Variants in MAF observed in about 807,000 individuals in gnomAD.
The protein encoded by MAF is MAF bZIP transcription factor.
MAF carries 10 observed loss-of-function variants against 22.0 expected under a neutral mutation model. The ratio of observed to expected loss-of-function variants is 0.45; its 90% CI spans 0.28 to 0.77. MAF has a LOEUF of 0.77. MAF is among the 30% of genes least tolerant of loss of function. The pLI, the probability that MAF is intolerant of heterozygous loss-of-function variation, is 0.12. For missense variants in MAF, 544 were observed against 548.4 expected, an observed-to-expected ratio of 0.99 and a Z score of 0.08; for synonymous variants, 337 against 255.8, an observed-to-expected ratio of 1.32 and a Z score of -3.03.
the MAF span, among the ~76,000 whole-genome samples, chr16:79,213,306 AACACCATTGCCCTCCAGTGGCC>A: frequency 6.7e-6 from 1 of 148,454 alleles, no homozygotes; most frequent in Non-Finnish European, 1.5e-5. Flanking sequence ...CGAACAAACA[AACACCATTGCCCTCCAGTGGCC>A]CATAGCCTTG....
At chr16:79,577,911 C>A in the MAF span, among the ~76,000 whole-genome samples, 1 of 152,108 alleles carries the variant, frequency 6.6e-6, no homozygotes, top group Non-Finnish European at 1.5e-5. Flanking sequence ...ATTTTGGTGA[C>A]CTTTGCAGAA....
chr16:79,556,981 T>A, the MAF span, among the ~76,000 whole-genome samples: 2 of 108,214 alleles, frequency 1.8e-5, no homozygotes, highest in Non-Finnish European at 4.4e-5. Context: ...TACAACAAGC[T>A]TTAAAAAAAA....
the MAF span, among the ~76,000 whole-genome samples, chr16:79,547,155 A>G: frequency 6.6e-6 from 1 of 152,062 alleles, no homozygotes; most frequent in African/African-American, 2.4e-5. Context: ...ACTTGGTGAC[A>G]TGGAAACATC....
At chr16:79,217,986 T>TAAAAAAAAAAAAAA in the MAF span, among the ~76,000 whole-genome samples, 1 of 52,124 alleles carries the variant, frequency 1.9e-5, no homozygotes, top group Non-Finnish European at 3.3e-5. Flanking sequence ...GAAGCTTATG[T>TAAAAAAAAAAAAAA]AAAAAAAAAA....
At chr16:79,533,568 G>C in the MAF span, among the ~76,000 whole-genome samples, 2 of 152,142 alleles carry the variant, frequency 1.3e-5, no homozygotes, top group African/African-American at 4.8e-5. Context: ...GGAATGGAAA[G>C]TATGACATCT....
chr16:79,274,809 G>T, the MAF span, among the ~76,000 whole-genome samples: 3 of 152,076 alleles, frequency 2.0e-5, no homozygotes, highest in Non-Finnish European at 4.4e-5. Context: ...TATGGTGAGG[G>T]GCTTCATTTT....
chr16:79,534,490 A>T, the MAF span, among the ~76,000 whole-genome samples: 1 of 151,614 alleles, frequency 6.6e-6, no homozygotes, highest in African/African-American at 2.4e-5. Flanking sequence ...ATTACATGCG[A>T]TATCCTTTTA....
At chr16:79,552,014 C>G in the MAF span, among the ~76,000 whole-genome samples, 1 of 152,094 alleles carries the variant, frequency 6.6e-6, no homozygotes, top group Non-Finnish European at 1.5e-5. Flanking sequence ...GGAAGATACT[C>G]CTTCAAAATG....
the MAF span, among the ~76,000 whole-genome samples, chr16:79,479,272 C>G: frequency 1.3e-4 from 20 of 152,240 alleles, no homozygotes; most frequent in Admixed American, 4.6e-4. Flanking sequence ...TCATACCTTT[C>G]TACCATCCTG....
At chr16:79,382,940 T>G in the MAF span, among the ~76,000 whole-genome samples, 1 of 152,250 alleles carries the variant, frequency 6.6e-6, no homozygotes, top group Non-Finnish European at 1.5e-5. Flanking sequence ...CCCAGGTCTG[T>G]GCTCTAGCAT....
chr16:79,483,013 TC>T, the MAF span, among the ~76,000 whole-genome samples: 1 of 11,714 alleles, frequency 8.5e-5, no homozygotes, highest in Non-Finnish European at 1.6e-4. Context: ...CTTCCCTCCC[TC>T]TGTCTCTTCC....
chr16:79,517,753 T>C, the MAF span, among the ~76,000 whole-genome samples: 1 of 152,092 alleles, frequency 6.6e-6, no homozygotes, highest in African/African-American at 2.4e-5. Context: ...TTTTGTATTT[T>C]TAGTAGAGAC....
At chr16:79,285,487 C>CA in the MAF span, among the ~76,000 whole-genome samples, 1 of 152,128 alleles carries the variant, frequency 6.6e-6, no homozygotes, top group South Asian at 2.1e-4. Context: ...ACACCTACAT[C>CA]AGAGTCCCCT....
the MAF span, among the ~76,000 whole-genome samples, chr16:79,229,618 C>A: frequency 4.6e-5 from 7 of 151,990 alleles, no homozygotes; most frequent in African/African-American, 1.4e-4. Context: ...TGGACAGGGG[C>A]GTGAGGACAA....
the MAF span, among the ~76,000 whole-genome samples, chr16:79,381,634 G>C: frequency 2.0e-5 from 3 of 152,188 alleles, no homozygotes; most frequent in Non-Finnish European, 4.4e-5. Flanking sequence ...CTGTCACTCT[G>C]TCTGGGGGCC....
chr16:79,475,387 C>T, the MAF span, among the ~76,000 whole-genome samples: 1 of 86,598 alleles, frequency 1.2e-5, no homozygotes, highest in Admixed American at 1.3e-4. Flanking sequence ...TGTGTGTATG[C>T]AAGAAAGAAG....
the MAF span, among the ~76,000 whole-genome samples, chr16:79,324,607 G>C: frequency 6.6e-6 from 1 of 152,078 alleles, no homozygotes; most frequent in Admixed American, 6.5e-5. Context: ...AAGTAATTGA[G>C]TCGAAAACAC....
the MAF span, among the ~76,000 whole-genome samples, chr16:79,428,945 C>T: frequency 4.6e-5 from 7 of 152,046 alleles, no homozygotes; most frequent in Non-Finnish European, 4.4e-5. Flanking sequence ...ACAAAAGCTC[C>T]GGTGATGGAC....
chr16:79,496,574 T>C, the MAF span, among the ~76,000 whole-genome samples: 1 of 152,252 alleles, frequency 6.6e-6, no homozygotes, highest in Non-Finnish European at 1.5e-5. Context: ...TGGTATTATA[T>C]AACATACCTC....
Sources: allele counts gnomAD v4.1 joint callset (sites outside exome capture counted in the v4.1 genomes callset), GRCh38; gene constraint gnomAD v4.1.1; transcripts MANE v1.5; gene names NCBI Gene and HGNC (gene_info 2026-07-23, HGNC 2026-07-21).